Variants in GRIK1 observed in about 807,000 individuals in gnomAD.
The protein encoded by GRIK1 is glutamate ionotropic receptor kainate type subunit 1.
GRIK1 carries 69 observed loss-of-function variants against 105.7 expected under a neutral mutation model. That is an observed-to-expected ratio of 0.65 (90% CI 0.54 to 0.80). GRIK1 has a LOEUF of 0.80. Ranked by LOEUF, GRIK1 falls within the 30% of genes least tolerant of loss-of-function variation. The probability of loss-of-function intolerance (pLI) is 0.00; values close to 1 mark genes in which losing one functional copy is unlikely to be tolerated. For synonymous variants in GRIK1, 438 were observed against 431.3 expected, an observed-to-expected ratio of 1.02 and a Z score of -0.19; for missense variants, 1,109 against 1,167.3, an observed-to-expected ratio of 0.95 and a Z score of 0.73.
intron 4 of GRIK1, among the ~76,000 whole-genome samples, chr21:29,659,099 T>C (rs377667122): frequency 1.3e-5 from 2 of 152,220 alleles, no homozygotes; most frequent in African/African-American, 4.8e-5. Context: ...TCATCCAGCT[T>C]TATGTTTTTG....
Position 29,831,394 on chromosome 21 carries a change from A to G in GRIK1, c.118+107989T>C, listed in dbSNP as rs552524501. The stretch of plus-strand genomic sequence containing the variant: ...GCCTTCTGGCAGAAATATTCTATCT[A>G]CCCCCTGTATTCGTCCATTCTCACA... On this transcript the variant is annotated intron_variant, in intron 1 of 17. Coordinates refer to ENST00000327783, the MANE Select transcript of GRIK1 (RefSeq NM_001330994.2). Among the ~76,000 whole-genome samples, 5 of 151,898 alleles carry G rather than the reference A, an allele frequency of 3.3e-5. No individual in the cohort carries two copies. In the East Asian group the frequency reaches 5.8e-4, roughly 18 times the overall value.
At chr21:29,933,942 G>C (rs987033318) in intron 1 of GRIK1, among the ~76,000 whole-genome samples, 5 of 131,976 alleles carry the variant, frequency 3.8e-5, no homozygotes, top group African/African-American at 1.4e-4. Flanking sequence ...CAACAAAACA[G>C]AATTGAGATC....
chr21:29,651,210 G>C lies in GRIK1; in HGVS notation c.862C>G (p.Pro288Ala), dbSNP rs767098041. The C allele has an allele frequency of 6.2e-7, 1 of 1,612,978 alleles. No individual in the cohort carries two copies. The highest frequency in any genetic ancestry group is 1.7e-5 in the Admixed American group (1 of 60,018). Reference sequence around the variant, plus strand: ...TTCTCAATGATGGATGACACGTGAGGGTTGTCAATGTTAAGCAGCCGAAAC... The same window carrying C: ...TTCTCAATGATGGATGACACGTGAGCGTTGTCAATGTTAAGCAGCCGAAAC... ...TGFRLLNIDNPHVSSIIEKWS... is the reference protein window; with the variant it reads ...TGFRLLNIDNAHVSSIIEKWS... The change falls in exon 6 of 18, where the codon CCT (proline) becomes GCT (alanine). Residue 288 changes from proline to alanine, a missense_variant. By Grantham distance (27) the Pro-to-Ala change is conservative. This residue lies in a region of GRIK1 where 612 missense variants were observed against 586.0 expected (regional missense o/e 1.04). Transcript: ENST00000327783.
At chr21:29,860,352 C>T (rs2068598076) in intron 1 of GRIK1, among the ~76,000 whole-genome samples, 1 of 152,186 alleles carries the variant, frequency 6.6e-6, no homozygotes, top group African/African-American at 2.4e-5. Flanking sequence ...TGTCTTTTGG[C>T]TCAAGACAAG....
chr21:29,677,376 C>G lies in GRIK1; in HGVS notation c.545-4212G>C, dbSNP rs363546. Among the ~76,000 whole-genome samples the G allele has an allele frequency of 5.9e-3, 900 of 152,304 alleles. 13 individuals carry two copies. Among genetic ancestry groups the G allele is most frequent in the African/African-American group, 0.02 (845 of 41,556 alleles). On this transcript the variant is annotated intron_variant, in intron 3 of 17. Transcript: ENST00000327783. ...AAATGCAACTTTGGTTGAATAAACG[C>G]TTTACAGAAAGAAGGCTGTTTTTTT...
chr21:29,706,981 C>A (rs1015735024), intron 1 of GRIK1, among the ~76,000 whole-genome samples: 1 of 152,190 alleles, frequency 6.6e-6, no homozygotes, highest in East Asian at 1.9e-4. Context: ...TCTCCTGCCT[C>A]GGCCTCCAAA....
At chr21:29,935,489 C>T (rs1352335327) in intron 1 of GRIK1, among the ~76,000 whole-genome samples, 1 of 152,108 alleles carries the variant, frequency 6.6e-6, no homozygotes, top group Admixed American at 6.5e-5. Flanking sequence ...AGTCATGGGT[C>T]TGTACACACT....
chr21:29,833,030 A>T (rs1373740228), intron 1 of GRIK1, among the ~76,000 whole-genome samples: 2 of 152,192 alleles, frequency 1.3e-5, no homozygotes, highest in East Asian at 3.9e-4. Flanking sequence ...CTTCTGCCAG[A>T]TATCCTAAAT....
At chr21:29,815,539 G>A (rs1038205239) in intron 1 of GRIK1, among the ~76,000 whole-genome samples, 5 of 152,112 alleles carry the variant, frequency 3.3e-5, no homozygotes, top group Admixed American at 1.3e-4. Context: ...TCTGCCTGCA[G>A]CATCATTTTT....
intron 1 of GRIK1, among the ~76,000 whole-genome samples, chr21:29,867,367 T>G (rs1396362762): frequency 6.6e-6 from 1 of 151,726 alleles, no homozygotes; most frequent in Non-Finnish European, 1.5e-5. Context: ...AAGGAGAAGA[T>G]GAAGAGGACC....
At chr21:29,648,830 A>G (rs111523806) in intron 6 of GRIK1, among the ~76,000 whole-genome samples, 2 of 152,286 alleles carry the variant, frequency 1.3e-5, no homozygotes, top group African/African-American at 4.8e-5. Flanking sequence ...TGTAGCCTGG[A>G]TAAGTGAGAC....
At chr21:29,641,942 A>G (rs1175890942) in intron 7 of GRIK1, among the ~76,000 whole-genome samples, 1 of 152,112 alleles carries the variant, frequency 6.6e-6, no homozygotes, top group African/African-American at 2.4e-5. Flanking sequence ...CCTCTTCTTT[A>G]CACTATATTT....
Position 29,903,295 on chromosome 21 carries a change from A to G in GRIK1, c.118+36088T>C, listed in dbSNP as rs1291309280. 2.0e-5 allele frequency among the ~76,000 whole-genome samples: 3 copies of G among 152,248 alleles called. No homozygotes were observed. The East Asian group carries it at 5.8e-4, about 29-fold the overall frequency. The stretch of plus-strand genomic sequence containing the variant: ...AAATTGACAAATGGGATCTAATTAA[A>G]CTAAAGAGCTTCTGCACAGCAAAAG... On this transcript the variant is annotated intron_variant, in intron 1 of 17. Transcript: ENST00000327783.
chr21:29,880,471 G>C (rs2069365792), intron 1 of GRIK1, among the ~76,000 whole-genome samples: 1 of 152,106 alleles, frequency 6.6e-6, no homozygotes, highest in Non-Finnish European at 1.5e-5. Flanking sequence ...GAAGTTAAAA[G>C]ATGTTTTTAG....
At chr21:29,572,772 TTTC>T (rs951109332) in intron 14 of GRIK1, among the ~76,000 whole-genome samples, 32 of 150,876 alleles carry the variant, frequency 2.1e-4, no homozygotes, top group Admixed American at 4.6e-4. Flanking sequence ...GTCTTTTTTT[TTTC>T]TTCTTCTTTT....
intron 1 of GRIK1, among the ~76,000 whole-genome samples, chr21:29,741,862 T>C (rs2064937914): frequency 6.6e-6 from 1 of 152,242 alleles, no homozygotes; most frequent in South Asian, 2.1e-4. Flanking sequence ...CTTGGATCTT[T>C]ACATATTTTC....
At chr21:29,553,118 G>A (rs947877466) in intron 16 of GRIK1, 13 of 528,284 alleles carry the variant, frequency 2.5e-5, no homozygotes, top group East Asian at 1.7e-4. Context: ...TTGAAAATAC[G>A]CAGATCTACA....
chr21:29,871,348 A>T (rs903263722), intron 1 of GRIK1, among the ~76,000 whole-genome samples: 1 of 152,224 alleles, frequency 6.6e-6, no homozygotes, highest in Non-Finnish European at 1.5e-5. Flanking sequence ...AATTCACTTC[A>T]TTCTTACACA....
chr21:29,922,524 G>T (rs1198907632), intron 1 of GRIK1, among the ~76,000 whole-genome samples: 1 of 151,876 alleles, frequency 6.6e-6, no homozygotes, highest in East Asian at 1.9e-4. Flanking sequence ...AGCATTGGAT[G>T]GACACTACAA....
Sources: allele counts gnomAD v4.1 joint callset (sites outside exome capture counted in the v4.1 genomes callset), GRCh38; gene constraint gnomAD v4.1.1; regional missense constraint gnomAD v4.1.1; transcripts MANE v1.5; gene names NCBI Gene and HGNC (gene_info 2026-07-23, HGNC 2026-07-21).